The following CD300LF variants were observed in gnomAD, a reference collection of about 807,000 sequenced individuals.
CD300LF encodes CD300 molecule like family member f.
CD300LF carries 27 observed loss-of-function variants against 32.2 expected under a neutral mutation model. The observed-to-expected ratio is 0.84, with a 90% CI of 0.62 to 1.15. The LOEUF (loss-of-function observed/expected upper bound fraction) is 1.15. Ranked by LOEUF, CD300LF falls within the 50% of genes most tolerant of loss-of-function variation. CD300LF has a pLI of 0.00. For missense variants in CD300LF, 348 were observed against 356.8 expected (o/e 0.98, Z 0.20); for synonymous variants, 139 against 143.2 (o/e 0.97, Z 0.21).
chr17:74,700,282 G>A (rs138693644), intron 3 of CD300LF, among the ~76,000 whole-genome samples: 2 of 152,112 alleles, frequency 1.3e-5, no homozygotes, highest in African/African-American at 2.4e-5. Context: ...TCCTGCCTAC[G>A]ACTCACCCCT....
At chr17:74,695,656 C>T (rs1598200883) in intron 6 of CD300LF, 69 bp downstream of exon 6, 1 of 1,607,374 alleles carries the variant, frequency 6.2e-7, no homozygotes, top group Non-Finnish European at 8.5e-7. Context: ...GCCCACCCTC[C>T]AACGGGGTGC....
At chr17:74,711,121 A>T (rs1366111057) in intron 1 of CD300LF, among the ~76,000 whole-genome samples, 1 of 152,132 alleles carries the variant, frequency 6.6e-6, no homozygotes, top group Admixed American at 6.6e-5. Flanking sequence ...TAAAACGATA[A>T]ATTATTTAGA....
At chr17:74,711,091 A>AT (rs1243058470) in intron 1 of CD300LF, among the ~76,000 whole-genome samples, 2 of 151,936 alleles carry the variant, frequency 1.3e-5, no homozygotes, top group South Asian at 2.1e-4. Flanking sequence ...CCGGATGGGT[A>AT]TTTTTTTTCT....
At chr17:74,701,586 G>A (rs373112234) in intron 3 of CD300LF, among the ~76,000 whole-genome samples, 15 of 152,178 alleles carry the variant, frequency 9.9e-5, no homozygotes, top group African/African-American at 3.6e-4. Context: ...GACAAAGCAA[G>A]GTGGCTTATG....
intron 2 of CD300LF, 64 bp from the exon 3 acceptor site, chr17:74,703,162 G>T: frequency 1.9e-6 from 3 of 1,601,310 alleles, no homozygotes. Context: ...GATGCTTGGT[G>T]TATAAACCAG....
intron 1 of CD300LF, among the ~76,000 whole-genome samples, chr17:74,711,152 C>T (rs1224026416): frequency 2.0e-5 from 3 of 152,114 alleles, no homozygotes; most frequent in African/African-American, 7.2e-5. Context: ...AGGGTAAGCA[C>T]ACTTGCTGCT....
chr17:74,705,163 G>A, intron 1 of CD300LF: 1 of 693,280 alleles, frequency 1.4e-6, no homozygotes. Context: ...CCAGTGTGGT[G>A]GGGAGGAAAT....
intron 3 of CD300LF, among the ~76,000 whole-genome samples, chr17:74,699,666 T>C (rs1335776405): frequency 6.6e-6 from 1 of 152,132 alleles, no homozygotes; most frequent in Non-Finnish European, 1.5e-5. Context: ...GCAACAGCCC[T>C]GGTGACACCT....
intron 1 of CD300LF, among the ~76,000 whole-genome samples, chr17:74,708,699 G>A (rs1420436787): frequency 6.6e-6 from 1 of 152,172 alleles, no homozygotes; most frequent in African/African-American, 2.4e-5. Context: ...GGCGGATCAG[G>A]AGGTGAGGAG....
chr17:74,696,701 A>G (rs1051486479), intron 4 of CD300LF, among the ~76,000 whole-genome samples: 3 of 151,918 alleles, frequency 2.0e-5, no homozygotes, highest in Non-Finnish European at 4.4e-5. Flanking sequence ...TCTTCGTCCT[A>G]CTGAATTCTA....
At chr17:74,698,555 C>G in intron 3 of CD300LF, 74 bp from the exon 4 acceptor site, 3 of 1,539,442 alleles carry the variant, frequency 1.9e-6, no homozygotes, top group Non-Finnish European at 2.6e-6. Context: ...ACCCACCCAG[C>G]AGCAGGGGAG....
At chr17:74,712,680 C>G in intron 1 of CD300LF, 144 bp downstream of exon 1, 1 of 790,310 alleles carries the variant, frequency 1.3e-6, no homozygotes, top group East Asian at 2.6e-5. Flanking sequence ...AACGGAAATG[C>G]TAGGTGAATG....
rs187797341 is a variant in CD300LF at position 74,703,126 on chromosome 17, T to C, written c.383-28A>G. ...GTAAACGTAGTGGAGGTAGGCGTGG[T>C]GGGGGCAGGAGTCGACGCTGTAGTT... is the stretch of plus-strand genomic sequence containing the variant. On this transcript the variant is annotated intron_variant, in intron 2 of 6. Coordinates refer to ENST00000326165, the MANE Select transcript of CD300LF (RefSeq NM_139018.5). 4,515 of 1,613,566 alleles carry C rather than the reference T, an allele frequency of 2.8e-3. 9 individuals carry two copies. Among genetic ancestry groups the C allele is most frequent in the Non-Finnish European group, 3.4e-3 (3,959 of 1,179,764 alleles).
chr17:74,702,971 C>A lies in CD300LF; in HGVS notation c.446+64G>T, dbSNP rs1292562523. 7.4e-6 allele frequency: 10 copies of A among 1,349,886 alleles called. No individual in the cohort carries two copies. The Admixed American group carries it at 1.5e-4, about 21-fold the overall frequency. The allele number at this position is 1,349,886 out of a possible 1,614,324, so 83.6% of individuals were successfully genotyped here. On this transcript the variant is annotated intron_variant, in intron 3 of 6. Coordinates refer to ENST00000326165, the MANE Select transcript of CD300LF (RefSeq NM_139018.5). ...AAGCTCAGGCTGGAAAATGGGACTT[C>A]AAAGAGTTCTCCATTGGAGGAGTTT... is the stretch of plus-strand genomic sequence containing the variant.
At chr17:74,711,227 C>T (rs908019346) in intron 1 of CD300LF, among the ~76,000 whole-genome samples, 2 of 152,034 alleles carry the variant, frequency 1.3e-5, no homozygotes, top group Non-Finnish European at 2.9e-5. Flanking sequence ...CAGTGGTATC[C>T]GGGCTCCATG....
Position 74,698,632 on chromosome 17 carries a change from T to C in CD300LF, c.447-151A>G, listed in dbSNP as rs747117294. The C allele has an allele frequency of 8.8e-6, 13 of 1,475,230 alleles. No individual in the cohort carries two copies. The South Asian group carries it at 1.8e-4, about 20-fold the overall frequency. The allele number at this position is 1,475,230 out of a possible 1,614,324, so 91.4% of individuals were successfully genotyped here. On this transcript the variant is annotated intron_variant, in intron 3 of 6. Coordinates refer to ENST00000326165, the MANE Select transcript of CD300LF (RefSeq NM_139018.5). ...TGGGAACCCTCACTCCTGGGGATCCTCAAAGATGGGTTTACAATGAGTACA... is the reference window on the plus strand; with the variant it reads ...TGGGAACCCTCACTCCTGGGGATCCCCAAAGATGGGTTTACAATGAGTACA...
Position 74,695,038 on chromosome 17 carries a change from T to C in CD300LF, c.*58A>G. 6.5e-7 allele frequency: 1 copy of C among 1,549,774 alleles called. No individual in the cohort carries two copies. The highest frequency in any genetic ancestry group is 8.7e-7 in the Non-Finnish European group (1 of 1,144,252). ...GATGAGGGGAGCAGGGGGCAGACGG[T>C]CGATGAGGCAGGAGTGTGCTCACAG... On this transcript the variant is annotated 3_prime_UTR_variant, in exon 7 of 7. Coordinates refer to ENST00000326165, the MANE Select transcript of CD300LF (RefSeq NM_139018.5).
chr17:74,695,884 G>T, intron 5 of CD300LF, 25 bp from the exon 6 acceptor site: 2 of 1,607,290 alleles, frequency 1.2e-6, no homozygotes, highest in Non-Finnish European at 1.7e-6. Context: ...ACAGGCTGGG[G>T]AGTCACAAGA....
At chr17:74,705,281 G>A in intron 1 of CD300LF, 1 of 700,058 alleles carries the variant, frequency 1.4e-6, no homozygotes, top group South Asian at 1.5e-5. Flanking sequence ...AGGCTGTCCT[G>A]GTGGTCCTAA....
Sources: allele counts gnomAD v4.1 joint callset (sites outside exome capture counted in the v4.1 genomes callset), GRCh38; gene constraint gnomAD v4.1.1; transcripts MANE v1.5; gene names NCBI Gene and HGNC (gene_info 2026-07-23, HGNC 2026-07-21).